MYO1E: variants seen among roughly 807,000 people sequenced by gnomAD.
MYO1E encodes the protein myosin IE, also known as unconventional myosin-Ie.
A neutral mutation model predicts 151.1 loss-of-function variants in MYO1E; 68 were observed. That is an observed-to-expected ratio of 0.45 (90% CI 0.37 to 0.55). The LOEUF (loss-of-function observed/expected upper bound fraction) is 0.55. MYO1E is among the 20% of genes least tolerant of loss of function. The pLI is 0.00. For synonymous variants in MYO1E, 601 were observed against 501.7 expected, an observed-to-expected ratio of 1.20 and a Z score of -2.64; for missense variants, 1,363 against 1,389.3, an observed-to-expected ratio of 0.98 and a Z score of 0.30.
At chr15:59,187,825 A>C (rs540330254) in intron 18 of MYO1E, among the ~76,000 whole-genome samples, 1 of 152,390 alleles carries the variant, frequency 6.6e-6, no homozygotes, top group East Asian at 1.9e-4. Flanking sequence ...CACAGAGGAC[A>C]CATATATGAT....
At chr15:59,306,048 C>G (rs1276669486) in intron 1 of MYO1E, among the ~76,000 whole-genome samples, 1 of 152,172 alleles carries the variant, frequency 6.6e-6, no homozygotes, top group African/African-American at 2.4e-5. Flanking sequence ...CAATAAAACT[C>G]CCTCGTAATT....
At chr15:59,229,650 C>A (rs1221802256) in intron 6 of MYO1E, among the ~76,000 whole-genome samples, 1 of 152,078 alleles carries the variant, frequency 6.6e-6, no homozygotes, top group East Asian at 1.9e-4. Context: ...GTTTTTAAAT[C>A]GTGTTTGAAG....
intron 9 of MYO1E, among the ~76,000 whole-genome samples, chr15:59,219,042 TAAG>T (rs1176427128): frequency 1.3e-5 from 2 of 152,180 alleles, no homozygotes; most frequent in Non-Finnish European, 2.9e-5. Context: ...AGGGGCATTA[TAAG>T]AAGATTCCTC....
chr15:59,234,090 C>T (rs2080045719), intron 5 of MYO1E, among the ~76,000 whole-genome samples: 1 of 152,144 alleles, frequency 6.6e-6, no homozygotes, highest in Non-Finnish European at 1.5e-5. Flanking sequence ...CTCCATCTTC[C>T]TTTCATTCAG....
In MYO1E at chr15:59,174,259, C is replaced by G. The variant is rs1334774206; in HGVS notation, c.2050-19G>C. 2 of 1,560,598 alleles carry G rather than the reference C, an allele frequency of 1.3e-6. No homozygotes were observed. The highest frequency in any genetic ancestry group is 1.4e-5 in the African/African-American group (1 of 73,802). Reference sequence around the variant, plus strand: ...GAAATAGCTGTGAATGGAGAGAAGACAAATGTGAGCCAAGCCCCAAGCCCC... The same window carrying G: ...GAAATAGCTGTGAATGGAGAGAAGAGAAATGTGAGCCAAGCCCCAAGCCCC... On this transcript the variant is annotated intron_variant, in intron 19 of 27. Coordinates refer to ENST00000288235, the MANE Select transcript of MYO1E (RefSeq NM_004998.4).
chr15:59,264,864 T>A (rs565755354), intron 2 of MYO1E: 58 of 152,054 alleles, frequency 3.8e-4, no homozygotes, highest in Middle Eastern at 3.4e-3. Flanking sequence ...CTACAAAAAA[T>A]TTTTTTAAAA....
chr15:59,346,357 C>CTAT, intron 1 of MYO1E, among the ~76,000 whole-genome samples: 1 of 152,134 alleles, frequency 6.6e-6, no homozygotes. Context: ...CCAGGCCACT[C>CTAT]TATTAATGAA....
At chr15:59,139,791 G>C (rs1180542732) in intron 26 of MYO1E, among the ~76,000 whole-genome samples, 1 of 143,088 alleles carries the variant, frequency 7.0e-6, no homozygotes, top group African/African-American at 2.6e-5. Flanking sequence ...ACTTCCCTCC[G>C]ACCTGCTCAT....
intron 13 of MYO1E, among the ~76,000 whole-genome samples, chr15:59,209,810 A>T (rs2079866230): frequency 8.5e-6 from 1 of 117,888 alleles, no homozygotes. Context: ...TTTATTTTGA[A>T]TCACCTTTTT....
At position 59,137,404 on chromosome 15, in the gene MYO1E, G is replaced by A. The variant is rs774581352; in HGVS notation, c.3303C>T (p.Pro1101=). Residue 1101 remains proline, a synonymous_variant, in exon 28 of 28, where the codon CCC becomes CCT. Transcript: ENST00000288235. ...CTCAGATCTTGGTCACATAGTTGTTGGGGAACAGGCCCTGCTTGCCTCGTA... is the reference window on the plus strand; with the variant it reads ...CTCAGATCTTGGTCACATAGTTGTTAGGGAACAGGCCCTGCTTGCCTCGTA... ...GRLRGKQGLF[P]NNYVTKI 1 of 1,614,160 alleles carries A rather than the reference G, an allele frequency of 6.2e-7. No homozygotes were observed. Among genetic ancestry groups the A allele is most frequent in the Non-Finnish European group, 8.5e-7 (1 of 1,180,014 alleles).
chr15:59,211,965 A>T (rs1370156745), intron 12 of MYO1E, among the ~76,000 whole-genome samples: 6 of 152,048 alleles, frequency 3.9e-5, no homozygotes, highest in Non-Finnish European at 7.4e-5. Flanking sequence ...ATAGAGCCAG[A>T]GTGACCCTTT....
At chr15:59,272,779 A>G (rs2080295820) in intron 1 of MYO1E, among the ~76,000 whole-genome samples, 1 of 152,240 alleles carries the variant, frequency 6.6e-6, no homozygotes, top group South Asian at 2.1e-4. Context: ...AGTGCTAAAC[A>G]GTGTCAGGAA....
At chr15:59,277,617 G>C (rs147742856) in intron 1 of MYO1E, among the ~76,000 whole-genome samples, 187 of 151,208 alleles carry the variant, frequency 1.2e-3, no homozygotes, top group Non-Finnish European at 2.5e-3. Context: ...GTATTTTTTA[G>C]GAAACTACCT....
chr15:59,188,602 A>G (rs2079713762), intron 17 of MYO1E, among the ~76,000 whole-genome samples: 1 of 152,190 alleles, frequency 6.6e-6, no homozygotes, highest in Non-Finnish European at 1.5e-5. Flanking sequence ...AGGCTGAGGC[A>G]GGAAAATCGC....
chr15:59,152,615 A>AT (rs1234668990), intron 26 of MYO1E, among the ~76,000 whole-genome samples: 2 of 152,232 alleles, frequency 1.3e-5, no homozygotes, highest in Non-Finnish European at 1.5e-5. Flanking sequence ...AGACGCCTGC[A>AT]TGCCAAGTAC....
intron 13 of MYO1E, 29 bp from the exon 14 acceptor site, chr15:59,208,877 G>A (rs149279293): frequency 1.9e-6 from 3 of 1,613,416 alleles, no homozygotes; most frequent in South Asian, 1.1e-5. Flanking sequence ...CAAGGCCCTA[G>A]TCACTGACCT....
intron 8 of MYO1E, 123 bp from the exon 9 acceptor site, chr15:59,223,314 A>AC: frequency 7.7e-6 from 8 of 1,043,318 alleles, no homozygotes; most frequent in Admixed American, 3.0e-5. Flanking sequence ...CGAGTTACAA[A>AC]GAAAAAAAAA....
intron 22 of MYO1E, among the ~76,000 whole-genome samples, chr15:59,169,585 AG>A (rs1431940807): frequency 1.3e-5 from 2 of 152,194 alleles, no homozygotes; most frequent in Non-Finnish European, 2.9e-5. Flanking sequence ...CCTTAGAGTC[AG>A]AAAAACTTTT....
Position 59,227,531 on chromosome 15 carries a change from G to T in MYO1E, c.570C>A (p.Ser190=). The T allele has an allele frequency of 6.2e-7, 1 of 1,614,134 alleles. No individual in the cohort carries two copies. The highest frequency in any genetic ancestry group is 8.5e-7 in the Non-Finnish European group (1 of 1,179,988). Residue 190 remains serine (S), a synonymous_variant, in exon 7 of 28, where the codon TCC becomes TCA. Transcript: ENST00000288235. ...PGGEPDGGKI[S]NFLLEKSRVV... ...CCCTAGATTTTTCCAGAAGGAAGTT[G>T]GAGATCTTTCCACCATCTGGTTCCC...
Sources: allele counts gnomAD v4.1 joint callset (sites outside exome capture counted in the v4.1 genomes callset), GRCh38; gene constraint gnomAD v4.1.1; transcripts MANE v1.5; gene names NCBI Gene and HGNC (gene_info 2026-07-23, HGNC 2026-07-21).